The following PTPRA variants were observed in gnomAD, a reference collection of about 807,000 sequenced individuals.
The protein encoded by PTPRA is receptor-type tyrosine-protein phosphatase alpha.
In PTPRA, 25 loss-of-function variants were observed where a neutral mutation model predicts 104.8. That is an observed-to-expected ratio of 0.24 (90% confidence interval 0.17 to 0.33). The LOEUF (loss-of-function observed/expected upper bound fraction) is 0.33. PTPRA is among the 10% of genes least tolerant of loss of function. The pLI is 1.00. For synonymous variants in PTPRA, 323 were observed against 368.9 expected (o/e 0.88, Z 1.43); for missense variants, 765 against 1,015.3 (o/e 0.75, Z 3.35).
intron 1 of PTPRA, among the ~76,000 whole-genome samples, chr20:2,921,322 C>CT (rs11477373): frequency 0.019 from 2,019 of 103,938 alleles, 111 homozygotes; most frequent in Admixed American, 0.092. Flanking sequence ...TGGGAATGCG[C>CT]TTTTTTTTTT....
At chr20:2,956,646 C>CT (rs1297567941) in intron 3 of PTPRA, among the ~76,000 whole-genome samples, 2 of 145,374 alleles carry the variant, frequency 1.4e-5, no homozygotes, top group Non-Finnish European at 3.0e-5. Flanking sequence ...GAGCAAGACC[C>CT]TGTCTCAGTA....
chr20:3,011,131 C>T (rs185538750), intron 11 of PTPRA, among the ~76,000 whole-genome samples: 74 of 152,324 alleles, frequency 4.9e-4, no homozygotes, highest in Non-Finnish European at 7.8e-4. Context: ...TTAGAGCTTA[C>T]ACTAGGGCAT....
At chr20:3,031,888 C>T (rs2065474137) in intron 20 of PTPRA, among the ~76,000 whole-genome samples, 1 of 152,128 alleles carries the variant, frequency 6.6e-6, no homozygotes, top group South Asian at 2.1e-4. Context: ...ATAGCAAACT[C>T]TCTAGTAAAA....
chr20:2,888,024 C>T lies in PTPRA; in HGVS notation c.-129+14264C>T, dbSNP rs955793725. ...TTTCCAGCCAGTATTTCTCTCTCCC[C>T]AGTTTGGGGTGTTAGCTAGAATGGT... On this transcript the variant is annotated intron_variant, in intron 1 of 23. Transcript: ENST00000399903. 2.0e-5 allele frequency among the ~76,000 whole-genome samples: 3 copies of T among 152,326 alleles called. No homozygotes were observed. In the East Asian group the frequency reaches 5.8e-4, roughly 29 times the overall value.
chr20:2,940,984 C>A (rs1342643552), intron 2 of PTPRA, among the ~76,000 whole-genome samples: 1 of 151,502 alleles, frequency 6.6e-6, no homozygotes, highest in Non-Finnish European at 1.5e-5. Flanking sequence ...TGAGATATTT[C>A]TCTCACAAAA....
intron 9 of PTPRA, among the ~76,000 whole-genome samples, chr20:3,000,847 C>A (rs2063593759): frequency 6.6e-6 from 1 of 151,808 alleles, no homozygotes; most frequent in Non-Finnish European, 1.5e-5. Flanking sequence ...ATATGAGATA[C>A]AAATAAAGGA....
At chr20:2,977,371 G>A (rs1388573114) in intron 6 of PTPRA, among the ~76,000 whole-genome samples, 2 of 151,110 alleles carry the variant, frequency 1.3e-5, no homozygotes, top group Admixed American at 6.6e-5. Flanking sequence ...AGAAAGAGTT[G>A]ATATTCTTGT....
At chr20:2,887,894 C>G (rs2090469021) in intron 1 of PTPRA, among the ~76,000 whole-genome samples, 1 of 152,196 alleles carries the variant, frequency 6.6e-6, no homozygotes, top group African/African-American at 2.4e-5. Context: ...GTGAATGTCC[C>G]TGACTCAGTG....
At chr20:2,932,285 A>G (rs2060535195) in intron 2 of PTPRA, among the ~76,000 whole-genome samples, 1 of 152,216 alleles carries the variant, frequency 6.6e-6, no homozygotes, top group South Asian at 2.1e-4. Context: ...TTAAGGGAGA[A>G]TGAAGGAATT....
intron 9 of PTPRA, among the ~76,000 whole-genome samples, chr20:2,996,832 G>A (rs1357326746): frequency 6.6e-6 from 1 of 152,186 alleles, no homozygotes; most frequent in South Asian, 2.1e-4. Flanking sequence ...AAAGTATGGG[G>A]CTGCAGAGAC....
intron 10 of PTPRA, among the ~76,000 whole-genome samples, chr20:3,006,454 C>T (rs1186201288): frequency 1.3e-5 from 2 of 152,258 alleles, no homozygotes; most frequent in African/African-American, 2.4e-5. Context: ...ATTGGGATTA[C>T]GTGCATGAGC....
Position 2,965,085 on chromosome 20 carries a change from A to G in PTPRA, c.298A>G (p.Thr100Ala). Residue 100 changes from threonine (T) to alanine (A), a missense_variant, in exon 5 of 24, where the codon ACA becomes GCA. Thr to Ala is a moderately conservative substitution (Grantham distance 58, BLOSUM62 0). Transcript: ENST00000399903. Reference protein sequence around the residue: ...RTASTNSIGITISPNGTWLPD... With the variant: ...RTASTNSIGIAISPNGTWLPD... ...AGCAAGCACCAATTCTATAGGCATT[A>G]CAATTTCACCAAATGGAACGTGGCT... The G allele has an allele frequency of 6.2e-7, 1 of 1,614,104 alleles. No homozygotes were observed.
At chr20:2,918,040 A>T (rs2059967497) in intron 1 of PTPRA, among the ~76,000 whole-genome samples, 1 of 146,234 alleles carries the variant, frequency 6.8e-6, no homozygotes, top group Admixed American at 7.0e-5. Context: ...GTGAGCCGAG[A>T]TTGCACCACT....
At chr20:2,869,868 G>A (rs1174363421), upstream of PTPRA, among the ~76,000 whole-genome samples, 1 of 152,062 alleles carries the variant, frequency 6.6e-6, no homozygotes, top group East Asian at 1.9e-4. Context: ...TTGGGAGGCT[G>A]AGGCAGGAGA....
chr20:2,903,336 G>A (rs2059303469), intron 1 of PTPRA, among the ~76,000 whole-genome samples: 1 of 152,172 alleles, frequency 6.6e-6, no homozygotes, highest in Non-Finnish European at 1.5e-5. Context: ...GTTGTGTAAT[G>A]TGCCTAGCTT....
At chr20:2,969,171 A>T (rs187591808) in intron 5 of PTPRA, among the ~76,000 whole-genome samples, 1 of 151,820 alleles carries the variant, frequency 6.6e-6, no homozygotes, top group Non-Finnish European at 1.5e-5. Context: ...AAGTCCCTGC[A>T]CTATAGCCTG....
chr20:3,032,559 A>C (rs1433766253), intron 20 of PTPRA, among the ~76,000 whole-genome samples: 2 of 149,832 alleles, frequency 1.3e-5, no homozygotes, highest in Non-Finnish European at 3.0e-5. Flanking sequence ...CAAAGTCAGG[A>C]GATCGAGACC....
the PTPRA span, chr20:2,864,331 G>T: frequency 6.2e-7 from 1 of 1,614,062 alleles, no homozygotes; most frequent in African/African-American, 1.3e-5. The surrounding 1 kb of genome is among the most constrained non-coding windows in gnomAD (Gnocchi z 5.2). Flanking sequence ...TGGGAGCCTG[G>T]CTGGAATTCC....
chr20:2,959,050 A>G (rs2061650910), intron 3 of PTPRA, among the ~76,000 whole-genome samples: 4 of 152,108 alleles, frequency 2.6e-5, no homozygotes, highest in Admixed American at 2.6e-4. Flanking sequence ...GGGGTCGGGA[A>G]GTCACAGGAG....
Sources: gnomAD v4.1 joint callset for allele counts (sites outside exome capture counted in the v4.1 genomes callset) on GRCh38, gnomAD v4.1.1 for gene constraint, Gnocchi (gnomAD v3.1) non-coding constraint, MANE v1.5 for transcripts, NCBI Gene and HGNC (gene_info 2026-07-23, HGNC 2026-07-21) for gene names.